THNSL1: variants seen among roughly 807,000 people sequenced by gnomAD.
THNSL1 encodes the protein threonine synthase-like 1.
Under a neutral mutation model 50.4 loss-of-function variants are expected in THNSL1, and 48 were observed. The observed-to-expected ratio is 0.95, with a 90% confidence interval of 0.76 to 1.21. The LOEUF is 1.21. Ranked by LOEUF, THNSL1 falls within the 50% of genes most tolerant of loss-of-function variation. The probability of loss-of-function intolerance (pLI) is 0.00; values close to 1 mark genes in which losing one functional copy is unlikely to be tolerated. For synonymous variants in THNSL1, 309 were observed against 306.1 expected, an observed-to-expected ratio of 1.01 and a Z score of -0.10; for missense variants, 896 against 871.7, an observed-to-expected ratio of 1.03 and a Z score of -0.35.
At chr10:25,005,443 T>C in the THNSL1 span, among the ~76,000 whole-genome samples, 4 of 152,258 alleles carry the variant, frequency 2.6e-5, no homozygotes, top group East Asian at 3.9e-4. Flanking sequence ...GCTGGGATAG[T>C]TTGAAAGTGC....
the THNSL1 span, among the ~76,000 whole-genome samples, chr10:25,011,528 A>G: frequency 6.6e-6 from 1 of 152,222 alleles, no homozygotes; most frequent in Admixed American, 6.5e-5. Context: ...CTGGCTAGCC[A>G]TATGTAGAAA....
chr10:24,972,651 G>T, the THNSL1 span, among the ~76,000 whole-genome samples: 38 of 152,288 alleles, frequency 2.5e-4, no homozygotes, highest in Middle Eastern at 3.4e-3. Context: ...ATTGTCTTAG[G>T]AGGAAAGACC....
At chr10:24,988,050 A>C in the THNSL1 span, among the ~76,000 whole-genome samples, 1 of 151,760 alleles carries the variant, frequency 6.6e-6, no homozygotes, top group East Asian at 1.9e-4. Context: ...GCGAAACCCC[A>C]TCTTTACTAA....
chr10:24,964,142 T>A, the THNSL1 span, among the ~76,000 whole-genome samples: 7 of 152,198 alleles, frequency 4.6e-5, no homozygotes, highest in Non-Finnish European at 1.0e-4. Flanking sequence ...ATTGTAACCA[T>A]CAACAATGTC....
At chr10:24,972,381 G>C in the THNSL1 span, among the ~76,000 whole-genome samples, 4 of 150,274 alleles carry the variant, frequency 2.7e-5, no homozygotes, top group Non-Finnish European at 3.0e-5. Context: ...GGTGGCGGGT[G>C]CCTGTAATCC....
At position 25,023,620 on chromosome 10, in the gene THNSL1, G is replaced by T; in HGVS notation, c.397G>T (p.Gly133Trp). 6.2e-7 allele frequency: 1 copy of T among 1,614,104 alleles called. No individual in the cohort carries two copies. The highest frequency in any genetic ancestry group is 2.2e-5 in the East Asian group (1 of 44,882). ...ATCTGGAAGTGTGATTTCCCTTACT[G>T]GGTCCAATCCAATGCATGATGCTAG... is the stretch of plus-strand genomic sequence containing the variant. Reference protein sequence around the residue: ...SASGSVISLTGSNPMHDASMW... With the variant: ...SASGSVISLTWSNPMHDASMW... Residue 133 changes from glycine to tryptophan, a missense_variant, in exon 3 of 3, where the codon GGG becomes TGG. Coordinates refer to ENST00000376356, the MANE Select transcript of THNSL1 (RefSeq NM_024838.5).
At chr10:24,983,404 A>C in the THNSL1 span, 1 of 152,208 alleles carries the variant, frequency 6.6e-6, no homozygotes, top group Non-Finnish European at 1.5e-5. Flanking sequence ...GCTCACAGCA[A>C]AGTACTGCTA....
At chr10:24,991,418 A>G in the THNSL1 span, among the ~76,000 whole-genome samples, 1 of 151,878 alleles carries the variant, frequency 6.6e-6, no homozygotes, top group Non-Finnish European at 1.5e-5. Context: ...CCGAGACCCT[A>G]GCAGGCAGGC....
chr10:24,999,320 T>C, the THNSL1 span: 5 of 1,375,682 alleles, frequency 3.6e-6, no homozygotes, highest in Non-Finnish European at 5.0e-6. Flanking sequence ...TGTGCATGTT[T>C]AATATTCATC....
At chr10:24,995,688 A>G in the THNSL1 span, 3 of 1,613,946 alleles carry the variant, frequency 1.9e-6, no homozygotes, top group Non-Finnish European at 2.5e-6. Context: ...AAGGCTCAAG[A>G]TCATGCTTGT....
chr10:24,972,667 C>A, the THNSL1 span, among the ~76,000 whole-genome samples: 1 of 152,098 alleles, frequency 6.6e-6, no homozygotes, highest in Non-Finnish European at 1.5e-5. Context: ...AGACCAATAT[C>A]AAAATGCAGA....
the THNSL1 span, among the ~76,000 whole-genome samples, chr10:24,957,504 G>A: frequency 4.0e-5 from 6 of 150,352 alleles, no homozygotes; most frequent in South Asian, 2.1e-4. Context: ...GTTTTGAGAC[G>A]GAGTCTTGCT....
intron 1 of THNSL1, among the ~76,000 whole-genome samples, chr10:25,017,026 G>T (rs1850606881): frequency 6.6e-6 from 1 of 152,128 alleles, no homozygotes. Flanking sequence ...TCGCCCTCCC[G>T]CCCCTGCTCC....
At chr10:24,960,298 G>A in the THNSL1 span, among the ~76,000 whole-genome samples, 266 of 152,196 alleles carry the variant, frequency 1.7e-3, 2 homozygotes, top group African/African-American at 6.2e-3. Context: ...GGGCATACTG[G>A]GCTCATGGTT....
chr10:24,991,941 G>A, the THNSL1 span, among the ~76,000 whole-genome samples: 5 of 152,136 alleles, frequency 3.3e-5, no homozygotes, highest in East Asian at 1.9e-4. Context: ...CCTGCCCTTC[G>A]GCATGCTCCC....
chr10:24,965,212 C>G, the THNSL1 span, among the ~76,000 whole-genome samples: 1 of 152,288 alleles, frequency 6.6e-6, no homozygotes, highest in African/African-American at 2.4e-5. Context: ...ACTCACAACC[C>G]TAAGGTTCAC....
Position 25,023,311 on chromosome 10 carries a change from C to T in THNSL1, c.88C>T (p.Gln30Ter). The T allele has an allele frequency of 6.2e-7, 1 of 1,614,088 alleles. No homozygotes were observed. The highest frequency in any genetic ancestry group is 8.5e-7 in the Non-Finnish European group (1 of 1,179,980). Residue 30 changes from glutamine (Q) to a stop codon, truncating the protein, a stop_gained, in exon 3 of 3, where the codon CAG (glutamine) becomes TAG (stop). Coordinates refer to ENST00000376356, the MANE Select transcript of THNSL1 (RefSeq NM_024838.5). LOFTEE classifies it high-confidence loss of function. ...ACATGTTAAAACGGATAAACATGCA[C>T]AGCGATTTCTTTCAAGAACCTTTGC... ...SIHVKTDKHA[Q>*]RFLSRTFALA...
upstream of THNSL1, among the ~76,000 whole-genome samples, chr10:25,014,803 C>T (rs1850528574): frequency 6.6e-6 from 1 of 152,192 alleles, no homozygotes; most frequent in Non-Finnish European, 1.5e-5. Context: ...AATACAGTTA[C>T]TGCTCTAATT....
At chr10:24,993,348 C>T in the THNSL1 span, among the ~76,000 whole-genome samples, 24 of 152,290 alleles carry the variant, frequency 1.6e-4, no homozygotes, top group East Asian at 3.5e-3. Flanking sequence ...GCTCAATATA[C>T]TTTATATAAT....
Sources: gnomAD v4.1 joint callset for allele counts (sites outside exome capture counted in the v4.1 genomes callset) on GRCh38, gnomAD v4.1.1 for gene constraint, MANE v1.5 for transcripts, NCBI Gene and HGNC (gene_info 2026-07-23, HGNC 2026-07-21) for gene names.